Variants in INVS observed in about 807,000 individuals in gnomAD.
INVS encodes inversion of embryo turning homolog.
Under a neutral mutation model 108.8 loss-of-function variants are expected in INVS, and 86 were observed. That is an observed-to-expected ratio of 0.79 (90% CI 0.66 to 0.95). The LOEUF (loss-of-function observed/expected upper bound fraction) is 0.95. INVS is among the 40% of genes least tolerant of loss of function. The pLI, the probability that INVS is intolerant of heterozygous loss-of-function variation, is 0.00. For missense variants in INVS, 1,169 were observed against 1,297.4 expected (o/e 0.90, Z 1.52); for synonymous variants, 455 against 473.5 (o/e 0.96, Z 0.51).
intron 2 of INVS, 88 bp downstream of exon 2, chr9:100,104,715 C>A: frequency 1.2e-6 from 1 of 828,056 alleles, no homozygotes; most frequent in Non-Finnish European, 2.1e-6. Flanking sequence ...TTGCAATGTA[C>A]TCATACATTT....
At chr9:100,276,872 C>G (rs1290295577) in intron 12 of INVS, among the ~76,000 whole-genome samples, 1 of 152,178 alleles carries the variant, frequency 6.6e-6, no homozygotes, top group African/African-American at 2.4e-5. Flanking sequence ...CTTCCACTTA[C>G]ATTTCTAAGT....
At chr9:100,245,321 C>G (rs1832008354) in intron 7 of INVS, among the ~76,000 whole-genome samples, 1 of 152,012 alleles carries the variant, frequency 6.6e-6, no homozygotes, top group African/African-American at 2.4e-5. Context: ...ACTCTGTTGC[C>G]CAGGCTGGAG....
At chr9:100,285,783 A>T (rs1336887304) in intron 13 of INVS, among the ~76,000 whole-genome samples, 2 of 152,200 alleles carry the variant, frequency 1.3e-5, no homozygotes, top group African/African-American at 4.8e-5. Context: ...AGTCAGTCAC[A>T]TAGATACCCT....
At chr9:100,202,092 G>GTTTTTTTTTTTTTTTTTTTT (rs35296886) in intron 3 of INVS, among the ~76,000 whole-genome samples, 1 of 147,870 alleles carries the variant, frequency 6.8e-6, no homozygotes, top group Non-Finnish European at 1.5e-5. Context: ...TATTACAATA[G>GTTTTTTTTTTTTTTTTTTTT]TTTTTTTTTT....
intron 3 of INVS, among the ~76,000 whole-genome samples, chr9:100,127,011 C>T (rs572293557): frequency 9.2e-5 from 14 of 152,092 alleles, no homozygotes; most frequent in Admixed American, 2.6e-4. Context: ...GCCTGGGCAA[C>T]ATAGTGAGAC....
chr9:100,248,902 AAATAAT>A lies in INVS; in HGVS notation c.1078+2123_1078+2128del, dbSNP rs751573075. Reference sequence around the variant, plus strand: ...CTTTTTTTAGAAAAAAAAAGTTAAAAAATAATAATAATAGTAATAATAAGATGGGAT... The same window carrying A: ...CTTTTTTTAGAAAAAAAAAGTTAAAAAATAATAGTAATAATAAGATGGGAT... On this transcript the variant is annotated intron_variant, in intron 8 of 16. Coordinates refer to ENST00000262457, the MANE Select transcript of INVS (RefSeq NM_014425.5). Among the ~76,000 whole-genome samples, 7 of 152,118 alleles carry A rather than the reference AAATAAT, an allele frequency of 4.6e-5. No individual in the cohort carries two copies. In the East Asian group the frequency reaches 5.8e-4, roughly 13 times the overall value.
intron 3 of INVS, among the ~76,000 whole-genome samples, chr9:100,136,248 T>C (rs745939072): frequency 1.3e-5 from 2 of 152,276 alleles, no homozygotes; most frequent in Admixed American, 1.3e-4. Context: ...AATGGGGTTA[T>C]TGATCAGGAA....
intron 2 of INVS, among the ~76,000 whole-genome samples, chr9:100,113,558 TTTTG>T (rs77147493): frequency 0.071 from 10,734 of 151,996 alleles, 409 homozygotes; most frequent in African/African-American, 0.097. Context: ...CTGGTGTCTT[TTTTG>T]TTTGTTTGTT....
rs202008885 is a variant in INVS, at chr9:100,126,512, A to G, written c.236A>G (p.His79Arg). The change falls in exon 3 of 17, where the codon CAT becomes CGT. Residue 79 changes from histidine (H) to arginine (R), a missense_variant. This residue lies in a region of INVS where 365 missense variants were observed against 397.5 expected (regional missense o/e 0.92). Coordinates refer to ENST00000262457, the MANE Select transcript of INVS (RefSeq NM_014425.5). ...KAGADVNKTD[H>R]SQRTALHLAA... ...GGAGCAGATGTGAATAAAACTGACCATAGCCAGAGAACAGCCCTCCATCTT... is the reference window on the plus strand; with the variant it reads ...GGAGCAGATGTGAATAAAACTGACCGTAGCCAGAGAACAGCCCTCCATCTT... 3.7e-6 allele frequency: 6 copies of G among 1,614,208 alleles called. No homozygotes were observed. Among genetic ancestry groups the G allele is most frequent in the East Asian group, 4.5e-5 (2 of 44,880 alleles).
intron 2 of INVS, among the ~76,000 whole-genome samples, chr9:100,116,140 G>A (rs1156504513): frequency 7.2e-6 from 1 of 139,672 alleles, no homozygotes; most frequent in Non-Finnish European, 1.5e-5. Context: ...GTCATACTCT[G>A]TCACCTAAGC....
intron 13 of INVS, among the ~76,000 whole-genome samples, chr9:100,291,159 G>A (rs1004941172): frequency 4.6e-5 from 7 of 152,000 alleles, no homozygotes; most frequent in South Asian, 4.1e-4. Flanking sequence ...TGCCTCCCGA[G>A]TTCAAGCGAT....
chr9:100,258,656 G>C (rs1832507550), intron 10 of INVS, among the ~76,000 whole-genome samples: 1 of 152,178 alleles, frequency 6.6e-6, no homozygotes, highest in Non-Finnish European at 1.5e-5. Context: ...CTTAGCTGCA[G>C]GTCTGTTGGA....
chr9:100,229,335 C>T (rs1487772632), intron 4 of INVS, among the ~76,000 whole-genome samples: 1 of 151,980 alleles, frequency 6.6e-6, no homozygotes, highest in South Asian at 2.1e-4. Context: ...AGGTGACTAA[C>T]TGGCAGGGAA....
chr9:100,280,688 C>A (rs1833248008), intron 12 of INVS, among the ~76,000 whole-genome samples: 1 of 151,978 alleles, frequency 6.6e-6, no homozygotes, highest in African/African-American at 2.4e-5. Flanking sequence ...ACATAGCACA[C>A]CTTAATGATT....
intron 10 of INVS, among the ~76,000 whole-genome samples, chr9:100,253,787 T>C (rs1050479476): frequency 6.6e-6 from 1 of 152,240 alleles, no homozygotes; most frequent in African/African-American, 2.4e-5. Flanking sequence ...GGTGTATATG[T>C]GCTGTATTTT....
At chr9:100,151,154 T>C (rs111840019) in intron 3 of INVS, among the ~76,000 whole-genome samples, 1 of 152,128 alleles carries the variant, frequency 6.6e-6, no homozygotes, top group Admixed American at 6.6e-5. Context: ...GGCCTTCAGA[T>C]GGGAGCATGC....
At chr9:100,248,009 G>T (rs997659778) in intron 8 of INVS, among the ~76,000 whole-genome samples, 2 of 151,862 alleles carry the variant, frequency 1.3e-5, no homozygotes, top group Non-Finnish European at 2.9e-5. Context: ...GTAGAGGCGG[G>T]GTTTCACCAT....
intron 8 of INVS, among the ~76,000 whole-genome samples, chr9:100,248,473 G>GC (rs1554726173): frequency 6.9e-6 from 1 of 144,630 alleles, no homozygotes; most frequent in Non-Finnish European, 1.5e-5. Context: ...CCTCTACAGG[G>GC]TTTTTTTTTT....
At chr9:100,194,499 GA>G (rs1830316255) in intron 3 of INVS, among the ~76,000 whole-genome samples, 2 of 132,694 alleles carry the variant, frequency 1.5e-5, no homozygotes, top group Non-Finnish European at 3.6e-5. Flanking sequence ...AAATTAAAAT[GA>G]GGGTTTTTTT....
Sources: gnomAD v4.1 joint callset for allele counts (sites outside exome capture counted in the v4.1 genomes callset) on GRCh38, gnomAD v4.1.1 for gene constraint, gnomAD v4.1.1 regional missense constraint, MANE v1.5 for transcripts, NCBI Gene and HGNC (gene_info 2026-07-23, HGNC 2026-07-21) for gene names.